The following MAD1L1 variants were observed in gnomAD, a reference collection of about 807,000 sequenced individuals.
MAD1L1 encodes mitotic arrest deficient 1 like 1.
Under a neutral mutation model 96.9 loss-of-function variants are expected in MAD1L1, and 95 were observed. The ratio of observed to expected loss-of-function variants is 0.98; its 90% CI spans 0.83 to 1.16. MAD1L1 has a LOEUF of 1.16. Ranked by LOEUF, MAD1L1 falls within the 50% of genes most tolerant of loss-of-function variation. The pLI, the probability that MAD1L1 is intolerant of heterozygous loss-of-function variation, is 0.00. For synonymous variants in MAD1L1, 473 were observed against 396.6 expected, an observed-to-expected ratio of 1.19 and a Z score of -2.29; for missense variants, 1,007 against 954.4, an observed-to-expected ratio of 1.06 and a Z score of -0.73.
intron 13 of MAD1L1, among the ~76,000 whole-genome samples, chr7:2,007,508 T>TCC (rs1554330431): frequency 2.8e-5 from 2 of 70,788 alleles, no homozygotes; most frequent in Non-Finnish European, 3.5e-5. Context: ...ATGGTGAAAT[T>TCC]ACTAAAAATA....
intron 15 of MAD1L1, among the ~76,000 whole-genome samples, chr7:1,976,588 T>C (rs770598978): frequency 2.0e-5 from 3 of 152,144 alleles, no homozygotes; most frequent in African/African-American, 7.2e-5. Context: ...AGAACAAAGC[T>C]CCCACAGCGT....
chr7:2,018,797 A>G (rs969354724), intron 12 of MAD1L1, among the ~76,000 whole-genome samples: 1 of 151,794 alleles, frequency 6.6e-6, no homozygotes, highest in African/African-American at 2.4e-5. Flanking sequence ...CTCTGCCACC[A>G]GTGCTGTGGA....
intron 11 of MAD1L1, among the ~76,000 whole-genome samples, chr7:2,077,812 G>A (rs1003121743): frequency 2.6e-5 from 4 of 152,316 alleles, no homozygotes; most frequent in Middle Eastern, 3.4e-3. Flanking sequence ...GGATATCGCT[G>A]GACAGAACAA....
At chr7:2,032,347 G>GC (rs1481719016) in intron 12 of MAD1L1, among the ~76,000 whole-genome samples, 1 of 152,242 alleles carries the variant, frequency 6.6e-6, no homozygotes, top group Non-Finnish European at 1.5e-5. Flanking sequence ...CCTCCGTGAA[G>GC]CCGAGCCTGG....
chr7:2,178,039 A>T (rs78740861), intron 10 of MAD1L1, among the ~76,000 whole-genome samples: 2,142 of 152,342 alleles, frequency 0.014, 57 homozygotes, highest in African/African-American at 0.048. Context: ...ATAAGAATTA[A>T]TTACACAGAA....
chr7:1,983,142 GCGCGCGCGCGCGCA>G (rs1288532964), intron 14 of MAD1L1, among the ~76,000 whole-genome samples: 3 of 96,692 alleles, frequency 3.1e-5, no homozygotes, highest in Non-Finnish European at 6.5e-5. Context: ...ACGCGCGCGC[GCGCGCGCGCGCGCA>G]CACACACACA....
chr7:1,936,109 C>T (rs901206109), intron 17 of MAD1L1, among the ~76,000 whole-genome samples: 5 of 152,236 alleles, frequency 3.3e-5, no homozygotes, highest in Admixed American at 2.6e-4. Context: ...CCTGCAGAGT[C>T]GACACAGCCC....
At chr7:2,018,177 C>T (rs368987702) in intron 12 of MAD1L1, among the ~76,000 whole-genome samples, 1 of 152,174 alleles carries the variant, frequency 6.6e-6, no homozygotes, top group East Asian at 1.9e-4. Context: ...ACACACCCAA[C>T]GAAGCCCACA....
At chr7:2,128,052 T>G (rs1788319427) in intron 11 of MAD1L1, among the ~76,000 whole-genome samples, 1 of 152,146 alleles carries the variant, frequency 6.6e-6, no homozygotes, top group Non-Finnish European at 1.5e-5. Flanking sequence ...AAACGCTTTT[T>G]AAATCACAGT....
intron 10 of MAD1L1, among the ~76,000 whole-genome samples, chr7:2,180,769 T>G (rs1252782630): frequency 6.6e-6 from 1 of 152,226 alleles, no homozygotes; most frequent in East Asian, 1.9e-4. Context: ...TTGAACTTGT[T>G]TATTAGCTCT....
At chr7:2,113,929 C>T (rs910089292) in intron 11 of MAD1L1, among the ~76,000 whole-genome samples, 1 of 152,236 alleles carries the variant, frequency 6.6e-6, no homozygotes, top group African/African-American at 2.4e-5. Context: ...AGATTCTCTC[C>T]TGTCCCAGAG....
chr7:2,005,496 G>C (rs1781994154), intron 13 of MAD1L1, among the ~76,000 whole-genome samples: 1 of 152,182 alleles, frequency 6.6e-6, no homozygotes, highest in African/African-American at 2.4e-5. Context: ...GGACGGTTCT[G>C]TTACCATAAA....
At chr7:1,883,088 C>G (rs56109523) in intron 18 of MAD1L1, among the ~76,000 whole-genome samples, 2 of 145,108 alleles carry the variant, frequency 1.4e-5, no homozygotes, top group Non-Finnish European at 3.1e-5. Flanking sequence ...AAACCTCGTG[C>G]CACAAATGGC....
In MAD1L1 at chr7:1,939,304, C is replaced by T. The variant is rs371767192; in HGVS notation, c.1597-2407G>A. 3.8e-3 allele frequency among the ~76,000 whole-genome samples: 563 copies of T among 149,762 alleles called. 3 individuals are homozygous for T. The highest frequency in any genetic ancestry group is 0.013 in the African/African-American group (523 of 40,618). ...GGCCAGGGCCGGGGCCAGCGGTGCA[C>T]GCACACACATACACACACACATACA... is the stretch of plus-strand genomic sequence containing the variant. On this transcript the variant is annotated intron_variant, in intron 16 of 18. Coordinates refer to ENST00000265854, the MANE Select transcript of MAD1L1 (RefSeq NM_001013836.2).
chr7:2,180,231 G>A (rs2128600518), intron 10 of MAD1L1, among the ~76,000 whole-genome samples: 1 of 152,322 alleles, frequency 6.6e-6, no homozygotes, highest in South Asian at 2.1e-4. Flanking sequence ...GGCCTGTGAA[G>A]GCCCTGGGTT....
At chr7:1,966,055 G>T (rs1272852999) in intron 15 of MAD1L1, among the ~76,000 whole-genome samples, 1 of 152,222 alleles carries the variant, frequency 6.6e-6, no homozygotes, top group Non-Finnish European at 1.5e-5. Context: ...CTGTGCCTGG[G>T]TCCCATCCAC....
intron 18 of MAD1L1, among the ~76,000 whole-genome samples, chr7:1,850,997 G>C (rs1583554820): frequency 6.6e-6 from 1 of 152,136 alleles, no homozygotes; most frequent in Non-Finnish European, 1.5e-5. Context: ...GACCACAAAT[G>C]TGTTGCCCTA....
chr7:2,014,517 G>T lies in MAD1L1; in HGVS notation c.1344C>A (p.His448Gln). Residue 448 changes from histidine to glutamine, a missense_variant, in exon 13 of 19, where the codon CAC (histidine) becomes CAA (glutamine). Coordinates refer to ENST00000265854, the MANE Select transcript of MAD1L1 (RefSeq NM_001013836.2). ...GGCCCCTCACCTCCATCTCGGCGCT[G>T]TGGCTGTGCACCTTCTGCACCATAT... Reference protein sequence around the residue: ...AEDMVQKVHSHSAEMEAQLSQ... With the variant: ...AEDMVQKVHSQSAEMEAQLSQ... 6.3e-7 allele frequency: 1 copy of T among 1,597,086 alleles called. No individual in the cohort carries two copies.
intron 18 of MAD1L1, among the ~76,000 whole-genome samples, chr7:1,857,178 C>T (rs570673230): frequency 1.3e-5 from 2 of 152,320 alleles, no homozygotes; most frequent in South Asian, 4.1e-4. Flanking sequence ...AGGCAAGAGC[C>T]GCGAGCGCGG....
Sources: allele counts gnomAD v4.1 joint callset (sites outside exome capture counted in the v4.1 genomes callset), GRCh38; gene constraint gnomAD v4.1.1; transcripts MANE v1.5; gene names NCBI Gene and HGNC (gene_info 2026-07-23, HGNC 2026-07-21).